HMCN1: variants seen among roughly 807,000 people sequenced by gnomAD.
HMCN1 encodes hemicentin-1.
In HMCN1, 321 loss-of-function variants were observed where a neutral mutation model predicts 625.9. The ratio of observed to expected loss-of-function variants is 0.51; its 90% CI spans 0.47 to 0.56. The LOEUF (loss-of-function observed/expected upper bound fraction) is 0.56. Ranked by LOEUF, HMCN1 falls within the 20% of genes least tolerant of loss-of-function variation. The probability of loss-of-function intolerance (pLI) is 0.00; values close to 1 mark genes in which losing one functional copy is unlikely to be tolerated. For synonymous variants in HMCN1, 2,425 were observed against 2,417.6 expected, an observed-to-expected ratio of 1.00 and a Z score of -0.09; for missense variants, 6,588 against 6,887.3, an observed-to-expected ratio of 0.96 and a Z score of 1.54.
intron 1 of HMCN1, among the ~76,000 whole-genome samples, chr1:185,809,549 G>T (rs953782345): frequency 5.3e-5 from 8 of 151,672 alleles, no homozygotes; most frequent in Non-Finnish European, 7.4e-5. Flanking sequence ...AATTCCTACT[G>T]TGCATCTTGT....
At chr1:186,124,855 C>A (rs756211326) in intron 81 of HMCN1, among the ~76,000 whole-genome samples, 1 of 151,728 alleles carries the variant, frequency 6.6e-6, no homozygotes, top group Non-Finnish European at 1.5e-5. Flanking sequence ...ACTTTTGAAC[C>A]GAGAATTCTT....
At position 185,982,255 on chromosome 1, in the gene HMCN1, G is replaced by T; in HGVS notation, c.2663-7G>T. On this transcript the variant is annotated splice_polypyrimidine_tract_variant and splice_region_variant and intron_variant, in intron 17 of 106. Transcript: ENST00000271588. ...GTTGAAAGTGCCTGTGCTCTCTCTT[G>T]ATTTAGTTGCTCCACTTATTGGAAT... 6.2e-7 allele frequency: 1 copy of T among 1,613,790 alleles called. No homozygotes were observed. Among genetic ancestry groups the T allele is most frequent in the South Asian group, 1.1e-5 (1 of 91,068 alleles).
At chr1:186,032,638 G>T (rs1655532760) in intron 36 of HMCN1, among the ~76,000 whole-genome samples, 1 of 152,088 alleles carries the variant, frequency 6.6e-6, no homozygotes, top group South Asian at 2.1e-4. Context: ...CCCCAGCCAT[G>T]CTGAACTGTG....
rs1659566704 is a variant in HMCN1, at chr1:186,087,428, A to T, written c.9161-15A>T. On this transcript the variant is annotated splice_polypyrimidine_tract_variant and intron_variant, in intron 59 of 106. Coordinates refer to ENST00000271588, the MANE Select transcript of HMCN1 (RefSeq NM_031935.3). ...TAATGAAAAAGAAAATCCTTCTGTT[A>T]TTTTCTTCCCTCAGTGCCCCCAAGC... The T allele has an allele frequency of 1.2e-6, 2 of 1,612,324 alleles. No individual in the cohort carries two copies. Among genetic ancestry groups the T allele is most frequent in the Non-Finnish European group, 1.7e-6 (2 of 1,178,798 alleles).
In HMCN1 at chr1:186,053,035, A is replaced by G. The variant is rs1438444542; in HGVS notation, c.6661A>G (p.Ser2221Gly). The G allele has an allele frequency of 2.5e-6, 4 of 1,610,452 alleles. No individual in the cohort carries two copies. The highest frequency in any genetic ancestry group is 3.4e-6 in the Non-Finnish European group (4 of 1,177,416). Residue 2221 changes from serine (S) to glycine (G), a missense_variant, in exon 43 of 107, where the codon AGT (serine) becomes GGT (glycine). Physicochemically the swap from Ser to Gly is moderately conservative, Grantham distance 56. This residue lies in a region of HMCN1 where 4,628 missense variants were observed against 4,853.1 expected (regional missense o/e 0.95). Coordinates refer to ENST00000271588, the MANE Select transcript of HMCN1 (RefSeq NM_031935.3). ...GNLISLLCES[S>G]GIPPPNLIWK... The stretch of plus-strand genomic sequence containing the variant: ...TCTCATTAGTCTGTTGTGTGAATCA[A>G]GTGGTATTCCACCCCCAAATCTCAT...
intron 1 of HMCN1, among the ~76,000 whole-genome samples, chr1:185,762,987 T>G (rs753164135): frequency 1.3e-5 from 2 of 152,172 alleles, no homozygotes; most frequent in African/African-American, 4.8e-5. Flanking sequence ...GCAGCTATCA[T>G]AACCCAAAGG....
chr1:185,765,633 A>G (rs1428034864), intron 1 of HMCN1, among the ~76,000 whole-genome samples: 1 of 152,222 alleles, frequency 6.6e-6, no homozygotes, highest in Non-Finnish European at 1.5e-5. Flanking sequence ...GAGTTCATAT[A>G]TCCAGTAGAT....
At chr1:186,017,205 A>G in intron 33 of HMCN1, 134 bp downstream of exon 33, 1 of 682,852 alleles carries the variant, frequency 1.5e-6, no homozygotes, top group Non-Finnish European at 2.7e-6. Flanking sequence ...CTTTTAAAAG[A>G]CATGCTCTAT....
chr1:186,003,956 A>ATATAT (rs1653371352), intron 29 of HMCN1, 112 bp downstream of exon 29: 1 of 1,024,472 alleles, frequency 9.8e-7, no homozygotes, highest in South Asian at 1.4e-5. Flanking sequence ...ATATTATTAA[A>ATATAT]TGAGCATACA....
At chr1:186,180,156 G>GTA (rs1300022746) in intron 104 of HMCN1, among the ~76,000 whole-genome samples, 1 of 152,124 alleles carries the variant, frequency 6.6e-6, no homozygotes, top group Non-Finnish European at 1.5e-5. Context: ...ATTCTTGCTA[G>GTA]TATATTAAAC....
Position 185,865,921 on chromosome 1 carries a change from G to C in HMCN1, c.621+58G>C, listed in dbSNP as rs963896297. 5.1e-6 allele frequency: 8 copies of C among 1,572,580 alleles called. No homozygotes were observed. The Admixed American group carries it at 1.2e-4, about 23-fold the overall frequency. ...CAGCTGCCTTATCAAAATCAGTTAG[G>C]CCAGCCTAATTATGACAGATTTGAT... On this transcript the variant is annotated intron_variant, in intron 4 of 106. Coordinates refer to ENST00000271588, the MANE Select transcript of HMCN1 (RefSeq NM_031935.3).
rs1192441048 is a variant in HMCN1 at position 186,144,535 on chromosome 1, C to G, written c.14098C>G (p.His4700Asp). The change falls in exon 91 of 107, where the codon CAT (histidine) becomes GAT (aspartate). Residue 4700 changes from histidine (H) to aspartate (D), a missense_variant and splice_region_variant. Around this residue, in one of 3 missense-constraint regions of HMCN1, gnomAD observed 1,954 missense variants for 2,013.1 expected, o/e 0.97. Transcript: ENST00000271588. ...TGTACCTTTTTCCCTTATTCCAGTT[C>G]ATGGCAAGTGGGCGACTTGGGCCAG... ...QVCNERNCPI[H>D]GKWATWASWS... The G allele has an allele frequency of 1.2e-6, 2 of 1,613,980 alleles. No individual in the cohort carries two copies. The highest frequency in any genetic ancestry group is 1.7e-6 in the Non-Finnish European group (2 of 1,180,024).
intron 44 of HMCN1, among the ~76,000 whole-genome samples, chr1:186,054,382 T>A (rs1035611432): frequency 6.6e-6 from 1 of 152,032 alleles, no homozygotes; most frequent in Admixed American, 6.6e-5. Context: ...TATACTCATT[T>A]AATCTTCACA....
intron 1 of HMCN1, among the ~76,000 whole-genome samples, chr1:185,818,380 TGTAA>T (rs1462245072): frequency 2.6e-5 from 4 of 152,220 alleles, no homozygotes; most frequent in South Asian, 2.1e-4. Flanking sequence ...ATGGCATGGA[TGTAA>T]GTGTTTGGAG....
intron 1 of HMCN1, among the ~76,000 whole-genome samples, chr1:185,757,135 C>T (rs1471998606): frequency 3.9e-5 from 6 of 152,096 alleles, no homozygotes; most frequent in African/African-American, 1.2e-4. Flanking sequence ...CCACCATGCC[C>T]GGCTTTTTTG....
At chr1:185,932,032 G>T (rs1018371725) in intron 10 of HMCN1, among the ~76,000 whole-genome samples, 1 of 152,106 alleles carries the variant, frequency 6.6e-6, no homozygotes, top group East Asian at 1.9e-4. Flanking sequence ...TATTGCACGA[G>T]GCATATTTGT....
chr1:185,954,065 A>G (rs1207290908), intron 11 of HMCN1, among the ~76,000 whole-genome samples: 1 of 151,512 alleles, frequency 6.6e-6, no homozygotes, highest in Admixed American at 6.6e-5. Flanking sequence ...CCGGCCATTT[A>G]CACTTCTTTT....
intron 13 of HMCN1, among the ~76,000 whole-genome samples, chr1:185,964,724 A>G (rs532638748): frequency 6.6e-6 from 1 of 152,108 alleles, no homozygotes; most frequent in Non-Finnish European, 1.5e-5. Context: ...GGGAAGACTA[A>G]TTCAGACGGA....
intron 4 of HMCN1, among the ~76,000 whole-genome samples, chr1:185,884,848 GA>G (rs1664534344): frequency 6.6e-6 from 1 of 151,886 alleles, no homozygotes; most frequent in African/African-American, 2.4e-5. Context: ...TGATTATTCT[GA>G]AAAAATGGCT....
Sources: allele counts gnomAD v4.1 joint callset (sites outside exome capture counted in the v4.1 genomes callset), GRCh38; gene constraint gnomAD v4.1.1; regional missense constraint gnomAD v4.1.1; transcripts MANE v1.5; gene names NCBI Gene and HGNC (gene_info 2026-07-23, HGNC 2026-07-21).